The following TBCK variants were observed in gnomAD, a reference collection of about 807,000 sequenced individuals.
TBCK encodes the protein TBC domain-containing protein kinase-like protein.
Under a neutral mutation model 113.4 loss-of-function variants are expected in TBCK, and 99 were observed. That is an observed-to-expected ratio of 0.87 (90% CI 0.74 to 1.03). TBCK has a LOEUF of 1.03. Ranked by LOEUF, TBCK falls within the 50% of genes least tolerant of loss-of-function variation. TBCK has a pLI of 0.00. For synonymous variants in TBCK, 369 were observed against 370.8 expected, an observed-to-expected ratio of 1.00 and a Z score of 0.05; for missense variants, 1,045 against 1,061.3, an observed-to-expected ratio of 0.98 and a Z score of 0.21.
chr4:106,147,497 T>C lies in TBCK; in HGVS notation c.2235+23598A>G, dbSNP rs551322804. On this transcript the variant is annotated intron_variant, in intron 23 of 25. Transcript: ENST00000394708. ...AAGAACGTGGATTGTGAAGATTTCA[T>C]GGACATTTATTAGTTCCCCAAATTA... Among the ~76,000 whole-genome samples the C allele has an allele frequency of 2.0e-4, 30 of 152,320 alleles. 1 individual carries two copies. Among genetic ancestry groups the C allele is most frequent in the African/African-American group, 4.8e-4 (20 of 41,562 alleles).
chr4:106,097,729 G>C (rs918826888), intron 24 of TBCK, among the ~76,000 whole-genome samples: 2 of 152,074 alleles, frequency 1.3e-5, no homozygotes, highest in African/African-American at 2.4e-5. Flanking sequence ...AGACATTTGA[G>C]AGGTGGTCAG....
intron 19 of TBCK, among the ~76,000 whole-genome samples, chr4:106,220,386 A>C (rs944499345): frequency 3.9e-5 from 6 of 152,196 alleles, no homozygotes; most frequent in Non-Finnish European, 7.4e-5. Context: ...CCATGTGGAA[A>C]TGTAAGTCCA....
At chr4:106,214,445 G>A (rs569622632) in intron 19 of TBCK, among the ~76,000 whole-genome samples, 2 of 151,806 alleles carry the variant, frequency 1.3e-5, no homozygotes, top group South Asian at 2.1e-4. Context: ...CAAACCAAAG[G>A]CAAAGAAGTT....
At chr4:106,265,520 T>C (rs79234464) in intron 3 of TBCK, among the ~76,000 whole-genome samples, 5 of 129,252 alleles carry the variant, frequency 3.9e-5, no homozygotes, top group African/African-American at 1.5e-4. Flanking sequence ...GAGAGAGAGA[T>C]CCAGAGATCC....
intron 1 of TBCK, among the ~76,000 whole-genome samples, chr4:106,315,306 G>A (rs1373258615): frequency 6.6e-6 from 1 of 150,914 alleles, no homozygotes; most frequent in African/African-American, 2.4e-5. Flanking sequence ...TGCCCTCAAA[G>A]AACTTAGAGT....
chr4:106,175,974 T>C (rs992256237), intron 22 of TBCK, among the ~76,000 whole-genome samples: 2 of 152,118 alleles, frequency 1.3e-5, no homozygotes, highest in Non-Finnish European at 2.9e-5. Flanking sequence ...ACTTTGCCTA[T>C]AAAGACTTGA....
At chr4:106,144,108 T>A (rs1747480110) in intron 23 of TBCK, among the ~76,000 whole-genome samples, 1 of 152,144 alleles carries the variant, frequency 6.6e-6, no homozygotes, top group Non-Finnish European at 1.5e-5. Flanking sequence ...CCATAAAGGA[T>A]TTCAGACAAC....
At chr4:106,202,410 C>G (rs1441538003) in intron 20 of TBCK, among the ~76,000 whole-genome samples, 2 of 151,884 alleles carry the variant, frequency 1.3e-5, no homozygotes, top group African/African-American at 4.8e-5. Flanking sequence ...CTTCATTTTT[C>G]TTTTTGTGCT....
chr4:106,201,895 T>C (rs1051709857), intron 20 of TBCK, among the ~76,000 whole-genome samples: 2 of 152,052 alleles, frequency 1.3e-5, no homozygotes, highest in African/African-American at 4.8e-5. Flanking sequence ...TGACCATTAG[T>C]TTAATGCTTT....
intron 23 of TBCK, among the ~76,000 whole-genome samples, chr4:106,155,120 G>A (rs905060673): frequency 6.6e-6 from 1 of 151,456 alleles, no homozygotes; most frequent in African/African-American, 2.4e-5. Context: ...TGACATTTTT[G>A]GAGGATACAC....
chr4:106,215,456 G>C (rs1027924749), intron 19 of TBCK, among the ~76,000 whole-genome samples: 4 of 152,130 alleles, frequency 2.6e-5, no homozygotes, highest in East Asian at 3.9e-4. Context: ...TCAGTGTGCT[G>C]TATTCAGGAT....
chr4:106,302,689 G>A (rs1276832783), intron 2 of TBCK, among the ~76,000 whole-genome samples: 5 of 152,296 alleles, frequency 3.3e-5, no homozygotes, highest in African/African-American at 1.2e-4. Flanking sequence ...TTAATACTCA[G>A]CATCTACTGT....
chr4:106,213,009 A>T (rs1346260686), intron 19 of TBCK, among the ~76,000 whole-genome samples, 174 bp from the exon 20 acceptor site: 2 of 152,226 alleles, frequency 1.3e-5, no homozygotes, highest in Non-Finnish European at 2.9e-5. Flanking sequence ...TTATTAAACA[A>T]GCACACCAAC....
At chr4:106,299,008 C>A (rs949711323) in intron 2 of TBCK, among the ~76,000 whole-genome samples, 1 of 152,118 alleles carries the variant, frequency 6.6e-6, no homozygotes, top group Non-Finnish European at 1.5e-5. Context: ...TTTTTCCTAT[C>A]AGATAATATA....
chr4:106,149,938 CAT>C (rs1748284831), intron 23 of TBCK, among the ~76,000 whole-genome samples: 1 of 152,212 alleles, frequency 6.6e-6, no homozygotes. Context: ...AGAAAGAAAA[CAT>C]AAAGCAGGGA....
chr4:106,104,669 G>A (rs563526385), intron 24 of TBCK, among the ~76,000 whole-genome samples: 1 of 152,302 alleles, frequency 6.6e-6, no homozygotes, highest in African/African-American at 2.4e-5. Context: ...TTTTAAGCGG[G>A]TTCTGATCCT....
chr4:106,277,973 A>T lies in TBCK; in HGVS notation c.267-15761T>A, dbSNP rs191236774. Among the ~76,000 whole-genome samples, 89 of 152,320 alleles carry T rather than the reference A, an allele frequency of 5.8e-4. 3 individuals are homozygous for T. The highest frequency in any genetic ancestry group is 1.7e-3 in the Admixed American group (26 of 15,292). ...TTTGAAATACATCAAAATAATAAAG[A>T]TGGGTTAAATTTAGCTACAATTAAA... is the stretch of plus-strand genomic sequence containing the variant. On this transcript the variant is annotated intron_variant, in intron 3 of 25. Coordinates refer to ENST00000394708, the MANE Select transcript of TBCK (RefSeq NM_001163435.3).
intron 23 of TBCK, among the ~76,000 whole-genome samples, chr4:106,167,663 A>C (rs1440822661): frequency 6.6e-6 from 1 of 151,746 alleles, no homozygotes; most frequent in Non-Finnish European, 1.5e-5. Context: ...AATTACAAAT[A>C]GCAGAAATGA....
intron 15 of TBCK, 34 bp from the exon 16 acceptor site, chr4:106,233,684 C>A: frequency 1.3e-6 from 2 of 1,492,318 alleles, no homozygotes; most frequent in South Asian, 2.3e-5. Context: ...ATTAATTTAT[C>A]ATATCCTTAA....
Sources: gnomAD v4.1 joint callset for allele counts (sites outside exome capture counted in the v4.1 genomes callset) on GRCh38, gnomAD v4.1.1 for gene constraint, MANE v1.5 for transcripts, NCBI Gene and HGNC (gene_info 2026-07-23, HGNC 2026-07-21) for gene names.